The following NIN variants were observed in gnomAD, a reference collection of about 807,000 sequenced individuals.
The protein encoded by NIN is ninein.
A neutral mutation model predicts 257.6 loss-of-function variants in NIN; 137 were observed. That is an observed-to-expected ratio of 0.53 (90% CI 0.46 to 0.61). The LOEUF (loss-of-function observed/expected upper bound fraction) is 0.61, where lower values mean the gene tolerates loss of function less well. NIN is among the 20% of genes least tolerant of loss of function. NIN has a pLI of 0.00. For missense variants in NIN, 2,439 were observed against 2,501.2 expected (o/e 0.98, Z 0.53); for synonymous variants, 918 against 919.8 (o/e 1.00, Z 0.04).
chr14:50,754,021 A>G (rs762245399), intron 20 of NIN, among the ~76,000 whole-genome samples: 1 of 152,174 alleles, frequency 6.6e-6, no homozygotes, highest in Non-Finnish European at 1.5e-5. Flanking sequence ...CTCTTTCCCA[A>G]TATGTCCTTG....
intron 21 of NIN, among the ~76,000 whole-genome samples, chr14:50,751,763 G>A (rs1267341009): frequency 4.6e-5 from 7 of 152,178 alleles, no homozygotes; most frequent in Non-Finnish European, 7.3e-5. Context: ...CTAGGCTCAA[G>A]CTATTCTCCT....
intron 3 of NIN, among the ~76,000 whole-genome samples, chr14:50,808,672 T>G (rs2044443130): frequency 6.6e-6 from 1 of 152,194 alleles, no homozygotes; most frequent in Admixed American, 6.5e-5. Flanking sequence ...CAGTAGTGAA[T>G]GAGAGTGACA....
intron 1 of NIN, 29 bp from the exon 2 acceptor site, chr14:50,830,546 G>C (rs900176418): frequency 6.0e-6 from 1 of 167,990 alleles, no homozygotes; most frequent in African/African-American, 2.4e-5. Context: ...CGCTTTGTTA[G>C]GGCTGGAGAA....
chr14:50,776,878 G>T, intron 7 of NIN, 71 bp downstream of exon 7: 1 of 1,376,264 alleles, frequency 7.3e-7, no homozygotes, highest in Non-Finnish European at 1.0e-6. Flanking sequence ...CCACACTACA[G>T]CTGTTCCTAG....
At chr14:50,802,965 C>G (rs529904867) in intron 4 of NIN, among the ~76,000 whole-genome samples, 2 of 152,236 alleles carry the variant, frequency 1.3e-5, no homozygotes, top group Admixed American at 6.5e-5. Flanking sequence ...GCACTATGGT[C>G]CCCCTTTTAT....
intron 4 of NIN, among the ~76,000 whole-genome samples, chr14:50,803,928 A>C (rs887768303): frequency 2.1e-5 from 3 of 139,706 alleles, no homozygotes; most frequent in Admixed American, 7.6e-5. Flanking sequence ...ATGGAGTCTC[A>C]CTCTGTCACC....
Position 50,722,228 on chromosome 14 carries a change from G to T in NIN, c.*1235C>A, listed in dbSNP as rs1225817787. On this transcript the variant is annotated 3_prime_UTR_variant, in exon 31 of 31. Coordinates refer to ENST00000530997, the MANE Select transcript of NIN (RefSeq NM_020921.4). ...TAAAGTTTTGATCTTGAGCATGAGTGGAAAGTCCTATTTGGCACTCCTTGA... is the reference window on the plus strand; with the variant it reads ...TAAAGTTTTGATCTTGAGCATGAGTTGAAAGTCCTATTTGGCACTCCTTGA... 1 of 224,980 alleles carries T rather than the reference G, an allele frequency of 4.4e-6. No homozygotes were observed. Among genetic ancestry groups the T allele is most frequent in the African/African-American group, 2.2e-5 (1 of 44,870 alleles). The allele number at this position is 224,980 out of a possible 1,614,324, so 13.9% of individuals were successfully genotyped here.
At chr14:50,746,107 G>A (rs999044769) in intron 22 of NIN, among the ~76,000 whole-genome samples, 2 of 150,326 alleles carry the variant, frequency 1.3e-5, no homozygotes, top group African/African-American at 4.9e-5. Context: ...TCCTAGCTCT[G>A]CTCCTTTCCT....
chr14:50,802,131 C>A (rs1277779870), intron 4 of NIN, among the ~76,000 whole-genome samples: 2 of 152,070 alleles, frequency 1.3e-5, no homozygotes, highest in Non-Finnish European at 1.5e-5. Flanking sequence ...TCTCCTATTC[C>A]AGAAAAATAA....
At chr14:50,746,347 C>T (rs377408991) in intron 22 of NIN, among the ~76,000 whole-genome samples, 4 of 152,300 alleles carry the variant, frequency 2.6e-5, no homozygotes, top group South Asian at 4.2e-4. Context: ...TATGGACAGG[C>T]GACTTCTCTA....
intron 30 of NIN, among the ~76,000 whole-genome samples, chr14:50,725,547 A>T (rs1206581506): frequency 6.6e-6 from 1 of 152,102 alleles, no homozygotes; most frequent in Non-Finnish European, 1.5e-5. Flanking sequence ...TTTAACCAAT[A>T]TCATTTTTCA....
intron 23 of NIN, 70 bp downstream of exon 23, chr14:50,744,173 G>A (rs2041426137): frequency 1.3e-6 from 2 of 1,532,218 alleles, no homozygotes; most frequent in Non-Finnish European, 1.8e-6. Context: ...CTGTGCCACT[G>A]TCCACAGAGA....
chr14:50,764,481 A>G (rs925811113), intron 14 of NIN, among the ~76,000 whole-genome samples: 2 of 152,204 alleles, frequency 1.3e-5, no homozygotes, highest in African/African-American at 2.4e-5. Context: ...TTACCATACA[A>G]CCTAGCAATT....
intron 28 of NIN, 121 bp downstream of exon 28, chr14:50,735,395 T>G: frequency 1.5e-6 from 2 of 1,367,554 alleles, no homozygotes; most frequent in Non-Finnish European, 1.9e-6. Context: ...GAATTCAACT[T>G]GGCAGTGTAC....
At chr14:50,735,836 A>T (rs1168958804) in intron 27 of NIN, among the ~76,000 whole-genome samples, 1 of 152,224 alleles carries the variant, frequency 6.6e-6, no homozygotes, top group East Asian at 1.9e-4. Flanking sequence ...TCCTTAAGGC[A>T]GCTGGCTTTT....
chr14:50,814,443 T>G (rs867038894), intron 3 of NIN, among the ~76,000 whole-genome samples: 53 of 152,322 alleles, frequency 3.5e-4, no homozygotes, highest in Middle Eastern at 3.4e-3. Context: ...AAGCCTTTGA[T>G]ACACACAAAT....
Position 50,721,801 on chromosome 14 carries a change from G to C in NIN, c.*1662C>G, listed in dbSNP as rs1009920646. ...TGAACTCCCAGTCCCACAAAAAACA[G>C]TGCCTTGTCAAGGCTCTTGTAGTGA... On this transcript the variant is annotated 3_prime_UTR_variant, in exon 31 of 31. Transcript: ENST00000530997. The C allele has an allele frequency of 4.5e-6, 1 of 223,672 alleles. No individual in the cohort carries two copies. The highest frequency in any genetic ancestry group is 8.9e-6 in the Non-Finnish European group (1 of 112,088). 13.9% of individuals were successfully genotyped at this position (223,672 alleles called of 1,614,324 possible). A position where few individuals can be genotyped will look rare whatever the true frequency, so the allele number is the denominator to read the frequency against.
At chr14:50,789,058 G>A (rs2043464959) in intron 5 of NIN, among the ~76,000 whole-genome samples, 1 of 152,136 alleles carries the variant, frequency 6.6e-6, no homozygotes, top group Non-Finnish European at 1.5e-5. Context: ...AAGGAAAACT[G>A]CAATCAAAAC....
Position 50,758,056 on chromosome 14 carries a change from T to C in NIN, c.2974A>G (p.Asn992Asp). 2 of 1,614,254 alleles carry C rather than the reference T, an allele frequency of 1.2e-6. No individual in the cohort carries two copies. Among genetic ancestry groups the C allele is most frequent in the South Asian group, 1.1e-5 (1 of 91,088 alleles). Reference sequence around the variant, plus strand: ...GTCTCACAGGTCGCTTTGTGAATGTTCTCCATGGCTAGAAGCTTGGACATC... The same window carrying C: ...GTCTCACAGGTCGCTTTGTGAATGTCCTCCATGGCTAGAAGCTTGGACATC... ...EMMSKLLAME[N>D]IHKATCETAD... Residue 992 changes from asparagine (N) to aspartate (D), a missense_variant, in exon 18 of 31, where the codon AAC (asparagine) becomes GAC (aspartate). Coordinates refer to ENST00000530997, the MANE Select transcript of NIN (RefSeq NM_020921.4).
Sources: gnomAD v4.1 joint callset for allele counts (sites outside exome capture counted in the v4.1 genomes callset) on GRCh38, gnomAD v4.1.1 for gene constraint, MANE v1.5 for transcripts, NCBI Gene and HGNC (gene_info 2026-07-23, HGNC 2026-07-21) for gene names.